SYN2: variants seen among roughly 807,000 people sequenced by gnomAD.
SYN2 encodes the protein synapsin-2.
In SYN2, 19 loss-of-function variants were observed where a neutral mutation model predicts 50.9. The observed-to-expected ratio is 0.37, with a 90% CI of 0.26 to 0.55. The LOEUF (loss-of-function observed/expected upper bound fraction) is 0.55, where lower values mean the gene tolerates loss of function less well. Among genes scored for constraint, SYN2 ranks in the 20% least tolerant of loss-of-function variants. The pLI, the probability that SYN2 is intolerant of heterozygous loss-of-function variation, is 0.81. For missense variants in SYN2, 587 were observed against 576.4 expected, an observed-to-expected ratio of 1.02 and a Z score of -0.19; for synonymous variants, 255 against 224.9, an observed-to-expected ratio of 1.13 and a Z score of -1.20.
At chr3:12,160,047 A>G (rs1158804968) in intron 5 of SYN2, among the ~76,000 whole-genome samples, 1 of 137,936 alleles carries the variant, frequency 7.2e-6, no homozygotes, top group African/African-American at 2.6e-5. Flanking sequence ...CGTCTCAAAA[A>G]AAAAAAAAAA....
intron 1 of SYN2, among the ~76,000 whole-genome samples, chr3:12,083,023 T>A (rs1454595241): frequency 1.3e-5 from 2 of 152,310 alleles, no homozygotes; most frequent in East Asian, 3.9e-4. Flanking sequence ...CTTCTTATTT[T>A]TTCCCCGAGA....
chr3:12,169,833 G>A lies in SYN2; in HGVS notation c.1235G>A (p.Ser412Asn). The A allele has an allele frequency of 6.2e-7, 1 of 1,613,856 alleles. No individual in the cohort carries two copies. The highest frequency in any genetic ancestry group is 8.5e-7 in the Non-Finnish European group (1 of 1,179,834). The change falls in exon 10 of 13, where the codon AGC (serine) becomes AAC (asparagine). Residue 412 changes from serine (S) to asparagine (N), a missense_variant. Transcript: ENST00000621198. ...CAACTCATCACCGAACTAGTCATCAGCAAGATGAACCAGCTGCTGTCCAGG... is the reference window on the plus strand; with the variant it reads ...CAACTCATCACCGAACTAGTCATCAACAAGATGAACCAGCTGCTGTCCAGG... Reference protein sequence around the residue: ...DRQLITELVISKMNQLLSRTP... With the variant: ...DRQLITELVINKMNQLLSRTP...
intron 7 of SYN2, among the ~76,000 whole-genome samples, chr3:12,163,778 A>G (rs1697715436): frequency 6.6e-6 from 1 of 152,158 alleles, no homozygotes; most frequent in Non-Finnish European, 1.5e-5. Flanking sequence ...GGATTGCTTT[A>G]GAAATATGCG....
At chr3:12,116,487 C>T (rs184884996) in intron 1 of SYN2, among the ~76,000 whole-genome samples, 193 of 152,278 alleles carry the variant, frequency 1.3e-3, no homozygotes, top group African/African-American at 4.3e-3. Flanking sequence ...TGCTAGAGAG[C>T]TATATCCTCA....
chr3:12,154,430 T>C (rs1697395829), intron 5 of SYN2: 4 of 1,613,914 alleles, frequency 2.5e-6, no homozygotes, highest in Non-Finnish European at 3.4e-6. Context: ...GATGAAGACT[T>C]TTCCATCACT....
chr3:12,145,590 C>T, intron 3 of SYN2, 89 bp from the exon 4 acceptor site: 1 of 1,462,648 alleles, frequency 6.8e-7, no homozygotes, highest in South Asian at 1.3e-5. Flanking sequence ...AAGCCCTCTT[C>T]TTTATCTTGG....
chr3:12,087,580 C>T (rs528783321), intron 1 of SYN2, among the ~76,000 whole-genome samples: 2 of 151,828 alleles, frequency 1.3e-5, no homozygotes, highest in African/African-American at 4.8e-5. Context: ...GAGACCCTGC[C>T]TCTACAAAAA....
At chr3:12,168,561 C>T (rs959574745) in intron 9 of SYN2, 83 bp downstream of exon 9, 3 of 1,155,610 alleles carry the variant, frequency 2.6e-6, no homozygotes, top group African/African-American at 1.5e-5. Flanking sequence ...AATTTGGAGT[C>T]TCCTGAACCA....
Position 12,145,783 on chromosome 3 carries a change from C to T in SYN2, c.632C>T (p.Pro211Leu). The T allele has an allele frequency of 6.2e-7, 1 of 1,613,986 alleles. No homozygotes were observed. Among genetic ancestry groups the T allele is most frequent in the East Asian group, 2.2e-5 (1 of 44,884 alleles). ...LIIGMQYAGL[P>L]SINSLESIYN... ...ATTGGTATGCAGTATGCAGGCCTCC[C>T]CAGCATCAACTCACTGGAATCCATA... The change falls in exon 4 of 13, where the codon CCC (proline) becomes CTC (leucine). Residue 211 changes from proline to leucine, a missense_variant. By Grantham distance (98) the Pro-to-Leu change is moderately conservative (BLOSUM62 -3). Transcript: ENST00000621198.
chr3:12,108,202 A>C (rs1452658379), intron 1 of SYN2, among the ~76,000 whole-genome samples: 1 of 152,154 alleles, frequency 6.6e-6, no homozygotes, highest in Non-Finnish European at 1.5e-5. Context: ...AAAATAAATA[A>C]ATAAAATAAA....
Position 12,169,766 on chromosome 3 carries a change from T to A in SYN2, c.1168T>A (p.Cys390Ser), listed in dbSNP as rs1697896179. 3 of 1,613,848 alleles carry A rather than the reference T, an allele frequency of 1.9e-6. No individual in the cohort carries two copies. The highest frequency in any genetic ancestry group is 1.3e-5 in the African/African-American group (1 of 74,920). ...ACACATCTCCCACCAGGTCATGGAC[T>A]GTAGCATGCCACTGATTGGGGAACA... ...GKDYIFEVMD[C>S]SMPLIGEHQV... is the part of the protein sequence containing the mutation. Residue 390 changes from cysteine to serine, a missense_variant, in exon 10 of 13, where the codon TGT becomes AGT. Cys to Ser is a moderately radical substitution (Grantham distance 112). Transcript: ENST00000621198.
At chr3:12,168,121 G>A (rs77889122) in intron 8 of SYN2, among the ~76,000 whole-genome samples, 4,736 of 152,276 alleles carry the variant, frequency 0.031, 154 homozygotes, top group East Asian at 0.19. Context: ...GGAGTAATTG[G>A]CATGGGCTGG....
intron 10 of SYN2, among the ~76,000 whole-genome samples, chr3:12,181,139 G>A (rs1453471206): frequency 6.6e-6 from 1 of 152,206 alleles, no homozygotes; most frequent in African/African-American, 2.4e-5. Context: ...AGTCTGCCCA[G>A]AGCTTTTGTG....
intron 1 of SYN2, among the ~76,000 whole-genome samples, chr3:12,110,367 G>A (rs1485547833): frequency 1.3e-5 from 2 of 152,158 alleles, no homozygotes; most frequent in Non-Finnish European, 2.9e-5. Flanking sequence ...TCACTGGCTG[G>A]CATTGAGTGC....
intron 1 of SYN2, among the ~76,000 whole-genome samples, chr3:12,059,719 A>G (rs980188807): frequency 2.6e-5 from 4 of 151,978 alleles, no homozygotes; most frequent in Admixed American, 2.0e-4. Flanking sequence ...AAAGTTGCTT[A>G]TTTACTTCTC....
At chr3:12,129,908 G>T (rs1332058835) in intron 1 of SYN2, among the ~76,000 whole-genome samples, 5 of 152,098 alleles carry the variant, frequency 3.3e-5, no homozygotes, top group Non-Finnish European at 7.4e-5. Context: ...TGAGAGCGGG[G>T]CCCTCACGAT....
intron 1 of SYN2, among the ~76,000 whole-genome samples, chr3:12,023,550 G>T (rs1694191135): frequency 6.6e-6 from 1 of 152,214 alleles, no homozygotes; most frequent in Non-Finnish European, 1.5e-5. Context: ...TATTTTACTT[G>T]ATTGAAGCAG....
intron 1 of SYN2, among the ~76,000 whole-genome samples, chr3:12,104,347 G>T (rs1454336369): frequency 6.6e-6 from 1 of 152,034 alleles, no homozygotes; most frequent in African/African-American, 2.4e-5. Context: ...AAGCAAAATT[G>T]ATAGGCCTAC....
At chr3:12,124,631 A>G (rs1433410617) in intron 1 of SYN2, among the ~76,000 whole-genome samples, 1 of 152,222 alleles carries the variant, frequency 6.6e-6, no homozygotes, top group Non-Finnish European at 1.5e-5. Context: ...GGTTTTGTAT[A>G]TTACCATGAA....
Sources: allele counts gnomAD v4.1 joint callset (sites outside exome capture counted in the v4.1 genomes callset), GRCh38; gene constraint gnomAD v4.1.1; transcripts MANE v1.5; gene names NCBI Gene and HGNC (gene_info 2026-07-23, HGNC 2026-07-21).